The following EYA2 variants were observed in gnomAD, a reference collection of about 807,000 sequenced individuals.
EYA2 encodes protein phosphatase EYA2.
Under a neutral mutation model 69.2 loss-of-function variants are expected in EYA2, and 31 were observed. The ratio of observed to expected loss-of-function variants is 0.45; its 90% CI spans 0.34 to 0.60. EYA2 has a LOEUF of 0.60. Among genes scored for constraint, EYA2 ranks in the 20% least tolerant of loss-of-function variants. The probability of loss-of-function intolerance (pLI) is 0.02; values close to 1 mark genes in which losing one functional copy is unlikely to be tolerated. For synonymous variants in EYA2, 257 were observed against 279.4 expected, an observed-to-expected ratio of 0.92 and a Z score of 0.80; for missense variants, 622 against 701.2, an observed-to-expected ratio of 0.89 and a Z score of 1.28.
At chr20:47,141,165 G>A (rs1005738539) in intron 9 of EYA2, among the ~76,000 whole-genome samples, 6 of 152,218 alleles carry the variant, frequency 3.9e-5, no homozygotes, top group African/African-American at 1.4e-4. Context: ...ACAGAGTTTG[G>A]TGGGGATTAA....
Position 47,188,178 on chromosome 20 carries a change from C to T in EYA2, c.*45C>T, listed in dbSNP as rs1408351286. On this transcript the variant is annotated 3_prime_UTR_variant, in exon 16 of 16. Transcript: ENST00000327619. The stretch of plus-strand genomic sequence containing the variant: ...ACCTGCCATCTCACCCTCAGACCCC[C>T]TCGCCTTCCCCACCTCCCCACCGAG... The T allele has an allele frequency of 6.6e-6, 10 of 1,524,750 alleles. No homozygotes were observed. The highest frequency in any genetic ancestry group is 8.8e-6 in the Non-Finnish European group (10 of 1,131,558). The allele number at this position is 1,524,750 out of a possible 1,614,324, so 94.5% of individuals were successfully genotyped here. A position where few individuals can be genotyped will look rare whatever the true frequency, so the allele number is the denominator to read the frequency against.
At chr20:47,023,177 A>AT (rs1983859300) in intron 5 of EYA2, among the ~76,000 whole-genome samples, 1 of 152,228 alleles carries the variant, frequency 6.6e-6, no homozygotes, top group Non-Finnish European at 1.5e-5. Flanking sequence ...CACTGTAATA[A>AT]TTTCGTGGGA....
At chr20:47,150,057 A>T (rs2033792950) in intron 10 of EYA2, among the ~76,000 whole-genome samples, 1 of 152,142 alleles carries the variant, frequency 6.6e-6, no homozygotes, top group South Asian at 2.1e-4. Flanking sequence ...TGGCATGGTG[A>T]GGGCAGTAGT....
chr20:47,083,514 G>T lies in EYA2; in HGVS notation c.662-5725G>T, dbSNP rs1297673850. On this transcript the variant is annotated intron_variant, in intron 7 of 15. Transcript: ENST00000327619. ...AATCCCTTGAACCAGGGAGGTGGAG[G>T]TTGCAGTGAGCCAAGATCATGCCAC... is the stretch of plus-strand genomic sequence containing the variant. 2.0e-5 allele frequency among the ~76,000 whole-genome samples: 3 copies of T among 148,374 alleles called. No individual in the cohort carries two copies. In the East Asian group the frequency reaches 6.0e-4, roughly 29 times the overall value.
chr20:47,124,802 T>C (rs1019218264), intron 9 of EYA2, among the ~76,000 whole-genome samples: 1 of 152,070 alleles, frequency 6.6e-6, no homozygotes, highest in Non-Finnish European at 1.5e-5. Context: ...ATTTTTGCCT[T>C]TAAATTTATA....
intron 1 of EYA2, among the ~76,000 whole-genome samples, chr20:46,960,837 C>T (rs1173294322): frequency 1.3e-5 from 2 of 152,190 alleles, no homozygotes; most frequent in African/African-American, 4.8e-5. Context: ...TAACTACCAT[C>T]CTGCCATCCA....
chr20:47,054,152 G>C (rs545774989), intron 5 of EYA2, among the ~76,000 whole-genome samples: 1 of 152,304 alleles, frequency 6.6e-6, no homozygotes, highest in South Asian at 2.1e-4. Flanking sequence ...TAAGTTGTCT[G>C]TAAGACAGAA....
chr20:46,950,184 A>G (rs1164413867), intron 1 of EYA2, among the ~76,000 whole-genome samples: 2 of 152,244 alleles, frequency 1.3e-5, no homozygotes, highest in African/African-American at 4.8e-5. Context: ...GTAGTGAAGC[A>G]TGGAGTTGAG....
intron 1 of EYA2, among the ~76,000 whole-genome samples, chr20:46,918,275 C>T (rs1006423091): frequency 1.3e-5 from 2 of 149,782 alleles, no homozygotes; most frequent in East Asian, 2.1e-4. Context: ...GAGCCGAGAT[C>T]GCGCCAGTGC....
At chr20:47,170,965 G>T (rs2034307064) in intron 11 of EYA2, among the ~76,000 whole-genome samples, 1 of 152,236 alleles carries the variant, frequency 6.6e-6, no homozygotes. Flanking sequence ...GAAGTGATCA[G>T]CCGGCAGATG....
chr20:46,922,637 C>T (rs982911859), intron 1 of EYA2, among the ~76,000 whole-genome samples: 3 of 152,002 alleles, frequency 2.0e-5, no homozygotes, highest in Admixed American at 6.6e-5. Context: ...AGTCGAATGC[C>T]GAGGACCAGC....
intron 3 of EYA2, among the ~76,000 whole-genome samples, chr20:47,002,493 A>G (rs1568716706): frequency 6.6e-6 from 1 of 152,300 alleles, no homozygotes; most frequent in East Asian, 1.9e-4. Context: ...TGCTGAGGAT[A>G]AGGGTTTCCA....
chr20:46,960,191 G>A (rs539423779), intron 1 of EYA2, among the ~76,000 whole-genome samples: 4 of 152,164 alleles, frequency 2.6e-5, no homozygotes, highest in South Asian at 4.2e-4. Flanking sequence ...CAAAGCACTC[G>A]GCATGTATTC....
intron 1 of EYA2, among the ~76,000 whole-genome samples, chr20:46,950,966 A>G (rs1978760046): frequency 1.3e-5 from 2 of 152,220 alleles, no homozygotes; most frequent in Admixed American, 1.3e-4. Flanking sequence ...GAAAGGGCTT[A>G]TAACACGTGC....
intron 10 of EYA2, among the ~76,000 whole-genome samples, chr20:47,144,123 C>T (rs1004929847): frequency 2.6e-5 from 4 of 152,210 alleles, no homozygotes; most frequent in Admixed American, 6.5e-5. Flanking sequence ...TTTGGGAGGC[C>T]GAGGCGGGTG....
At chr20:46,984,666 A>G (rs1486491210) in intron 1 of EYA2, among the ~76,000 whole-genome samples, 1 of 152,260 alleles carries the variant, frequency 6.6e-6, no homozygotes, top group Non-Finnish European at 1.5e-5. Context: ...TATGAAGAAC[A>G]GTCTGCTAGT....
intron 1 of EYA2, among the ~76,000 whole-genome samples, chr20:46,906,082 T>C (rs917217542): frequency 1.3e-5 from 2 of 152,246 alleles, no homozygotes; most frequent in African/African-American, 4.8e-5. Context: ...TTTAGAGTTC[T>C]GTCTCTATCT....
At chr20:47,103,198 TA>T (rs1476208449) in intron 9 of EYA2, among the ~76,000 whole-genome samples, 3 of 152,218 alleles carry the variant, frequency 2.0e-5, no homozygotes, top group African/African-American at 4.8e-5. Flanking sequence ...ATCACCACTC[TA>T]ATTTTAGAAT....
At chr20:46,927,790 G>A (rs1025161533) in intron 1 of EYA2, among the ~76,000 whole-genome samples, 2 of 152,070 alleles carry the variant, frequency 1.3e-5, no homozygotes, top group African/African-American at 2.4e-5. Flanking sequence ...CTTACTAAAC[G>A]TGTGACCTTG....
Sources: gnomAD v4.1 joint callset for allele counts (sites outside exome capture counted in the v4.1 genomes callset) on GRCh38, gnomAD v4.1.1 for gene constraint, MANE v1.5 for transcripts, NCBI Gene and HGNC (gene_info 2026-07-23, HGNC 2026-07-21) for gene names.